UGT1A5: variants seen among roughly 807,000 people sequenced by gnomAD.
UGT1A5 encodes the protein UDP glucuronosyltransferase family 1 member A5, also known as UDP-glucuronosyltransferase 1A5.
Under a neutral mutation model 40.3 loss-of-function variants are expected in UGT1A5, and 29 were observed. The observed-to-expected ratio is 0.72, with a 90% CI of 0.54 to 0.98. The LOEUF is 0.98. Ranked by LOEUF, UGT1A5 falls within the 50% of genes least tolerant of loss-of-function variation. UGT1A5 has a pLI of 0.00. For synonymous variants in UGT1A5, 257 were observed against 262.5 expected (o/e 0.98, Z 0.20); for missense variants, 678 against 677.9 (o/e 1.00, Z 0.00).
In UGT1A5 at chr2:233,767,846, C is replaced by G. The variant is rs1699507381; in HGVS notation, c.1000-3C>G. The G allele has an allele frequency of 6.2e-7, 1 of 1,614,014 alleles. No individual in the cohort carries two copies. Among genetic ancestry groups the G allele is most frequent in the Non-Finnish European group, 8.5e-7 (1 of 1,180,026 alleles). ...TACGTTCTGCTCTTTTTGCCCCTCC[C>G]AGGTCCTGTGGCGGTACACTGGAAC... On this transcript the variant is annotated splice_region_variant and splice_polypyrimidine_tract_variant and intron_variant, in intron 2 of 4. Coordinates refer to ENST00000373414, the MANE Select transcript of UGT1A5 (RefSeq NM_019078.2).
At chr2:233,757,561 T>TATATATATATATATATATATATATAC (rs71058576) in intron 1 of UGT1A5, among the ~76,000 whole-genome samples, 1 of 121,178 alleles carries the variant, frequency 8.3e-6, no homozygotes, top group Non-Finnish European at 1.7e-5. Context: ...TATATATATA[T>TATATATATATATATATATATATATAC]GTATATATGA....
At chr2:233,741,288 A>G (rs1260428951) in intron 1 of UGT1A5, among the ~76,000 whole-genome samples, 2 of 151,770 alleles carry the variant, frequency 1.3e-5, no homozygotes, top group Non-Finnish European at 2.9e-5. Context: ...GGATTTATGT[A>G]CCCAATTGTG....
intron 1 of UGT1A5, among the ~76,000 whole-genome samples, chr2:233,745,582 T>C (rs1693150962): frequency 6.6e-6 from 1 of 151,630 alleles, no homozygotes; most frequent in Admixed American, 6.6e-5. Context: ...TGACATAACC[T>C]GAGACCCGGA....
chr2:233,754,215 T>A (rs1387155236), intron 1 of UGT1A5: 1 of 166,766 alleles, frequency 6.0e-6, no homozygotes, highest in Non-Finnish European at 1.3e-5. Flanking sequence ...GTCAAATGAT[T>A]TAGAGCAAAC....
chr2:233,755,078 GA>G (rs1559400130), intron 1 of UGT1A5: 1 of 1,336,544 alleles, frequency 7.5e-7, no homozygotes, highest in South Asian at 1.1e-5. Flanking sequence ...AGCGGTCATA[GA>G]TATCGCGTTT....
At chr2:233,747,962 C>A (rs780665543) in intron 1 of UGT1A5, 1 of 1,613,470 alleles carries the variant, frequency 6.2e-7, no homozygotes, top group Middle Eastern at 1.7e-4. Flanking sequence ...ATCTTCTCAG[C>A]CATGCATCTG....
At chr2:233,768,021 G>A (rs1699549230) in intron 3 of UGT1A5, 85 bp downstream of exon 3, 3 of 1,613,440 alleles carry the variant, frequency 1.9e-6, no homozygotes, top group East Asian at 2.2e-5. Flanking sequence ...AAGGATTGTT[G>A]AGCTTGAAAA....
At chr2:233,729,435 A>G in intron 1 of UGT1A5, 1 of 1,613,958 alleles carries the variant, frequency 6.2e-7, no homozygotes. Context: ...ACTTTGAAAC[A>G]GAACATTTTC....
intron 1 of UGT1A5, among the ~76,000 whole-genome samples, chr2:233,748,506 T>C (rs868820669): frequency 6.6e-5 from 10 of 151,912 alleles, no homozygotes; most frequent in African/African-American, 2.4e-4. Context: ...TTTTTAGTGG[T>C]CCTGTCTTGC....
Position 233,742,959 on chromosome 2 carries a change from T to C in UGT1A5, c.868-24075T>C, listed in dbSNP as rs191993803. ...TCCTACCACTAGCAAATAATCATTG[T>C]CTGCCTCAGGCTTAAGTTTAATAAA... is the stretch of plus-strand genomic sequence containing the variant. On this transcript the variant is annotated intron_variant, in intron 1 of 4. Coordinates refer to ENST00000373414, the MANE Select transcript of UGT1A5 (RefSeq NM_019078.2). 2.6e-4 allele frequency: 57 copies of C among 217,402 alleles called. No individual in the cohort carries two copies. In the East Asian group the frequency reaches 5.8e-3, roughly 22 times the overall value. The allele number at this position is 217,402 out of a possible 1,614,324, so 13.5% of individuals were successfully genotyped here.
intron 1 of UGT1A5, among the ~76,000 whole-genome samples, chr2:233,734,124 A>T (rs533243585): frequency 1.8e-3 from 273 of 151,048 alleles, no homozygotes; most frequent in Non-Finnish European, 3.0e-3. Context: ...ATAATAATAA[A>T]AAGAATTTGG....
intron 1 of UGT1A5, among the ~76,000 whole-genome samples, chr2:233,764,636 A>G (rs757477318): frequency 9.9e-5 from 15 of 152,106 alleles, no homozygotes; most frequent in Non-Finnish European, 1.9e-4. Flanking sequence ...CAAAGGTCCT[A>G]GGAAATTTAA....
In UGT1A5 at chr2:233,713,252, C is replaced by T. The variant is rs17874941; in HGVS notation, c.261C>T (p.Asp87=). The change falls in exon 1 of 5, where the codon GAC becomes GAT. Residue 87 remains aspartate, a synonymous_variant. Coordinates refer to ENST00000373414, the MANE Select transcript of UGT1A5 (RefSeq NM_019078.2). ...LTTYAISWTQ[D]EFDRLLLGHT... is the part of the protein sequence containing the mutation. ...CGTATGCCATTTCATGGACCCAGGA[C>T]GAATTTGATCGCCTTTTGCTGGGTC... 2,469 of 1,614,186 alleles carry T rather than the reference C, an allele frequency of 1.5e-3. 3 individuals carry two copies. The highest frequency in any genetic ancestry group is 2.0e-3 in the Non-Finnish European group (2,339 of 1,180,040).
intron 1 of UGT1A5, chr2:233,747,077 TAGG>T: frequency 9.2e-7 from 1 of 1,083,878 alleles, no homozygotes; most frequent in South Asian, 1.6e-5. Context: ...AATAATTAAC[TAGG>T]AGGAGAGCAC....
chr2:233,742,825 T>A (rs1692111244), intron 1 of UGT1A5: 1 of 153,966 alleles, frequency 6.5e-6, no homozygotes, highest in South Asian at 2.0e-4. Context: ...TTTGTAGATT[T>A]CACCACTACA....
At chr2:233,728,691 G>A (rs2077742456) in intron 1 of UGT1A5, among the ~76,000 whole-genome samples, 1 of 152,170 alleles carries the variant, frequency 6.6e-6, no homozygotes, top group South Asian at 2.1e-4. Flanking sequence ...AAGTTTCAAG[G>A]GTTAGCAAAT....
rs557222655 is a variant in UGT1A5 at position 233,742,227 on chromosome 2, CCAAA to C, written c.868-24804_868-24801del. 1.9e-3 allele frequency among the ~76,000 whole-genome samples: 286 copies of C among 151,916 alleles called. 2 individuals carry two copies. The highest frequency in any genetic ancestry group is 3.7e-3 in the Admixed American group (56 of 15,294). ...CTCACAGCCTTCAGGGCTGAGAGCCCCAAACAGAGATTTACCCACATATTTATTG... is the reference window on the plus strand; with the variant it reads ...CTCACAGCCTTCAGGGCTGAGAGCCCCAGAGATTTACCCACATATTTATTG... On this transcript the variant is annotated intron_variant, in intron 1 of 4. Coordinates refer to ENST00000373414, the MANE Select transcript of UGT1A5 (RefSeq NM_019078.2).
rs45454101 is a variant in UGT1A5 at position 233,718,617 on chromosome 2, G to A, written c.867+4759G>A. ...GTCAGATGAGCTTTTCAAGATAGGC[G>A]TGATTGGTCTTTCCCAGGGTTGGGC... On this transcript the variant is annotated intron_variant, in intron 1 of 4. Transcript: ENST00000373414. 0.029 allele frequency: 25,009 copies of A among 870,400 alleles called. 378 individuals are homozygous for A. The highest frequency in any genetic ancestry group is 0.033 in the African/African-American group (1,793 of 55,048). The allele number at this position is 870,400 out of a possible 1,614,324, so 53.9% of individuals were successfully genotyped here.
At chr2:233,725,400 G>A (rs1284897270) in intron 1 of UGT1A5, among the ~76,000 whole-genome samples, 1 of 151,356 alleles carries the variant, frequency 6.6e-6, no homozygotes, top group Non-Finnish European at 1.5e-5. Flanking sequence ...TACCTTGATG[G>A]TCTAATACAG....
Sources: gnomAD v4.1 joint callset for allele counts (sites outside exome capture counted in the v4.1 genomes callset) on GRCh38, gnomAD v4.1.1 for gene constraint, MANE v1.5 for transcripts, NCBI Gene and HGNC (gene_info 2026-07-23, HGNC 2026-07-21) for gene names.